Variants in POC1A observed in about 807,000 individuals in gnomAD.
POC1A encodes the protein POC1 centriolar protein A.
In POC1A, 34 loss-of-function variants were observed where a neutral mutation model predicts 47.8. That is an observed-to-expected ratio of 0.71 (90% CI 0.54 to 0.95). The LOEUF is 0.95. Among genes scored for constraint, POC1A ranks in the 40% least tolerant of loss-of-function variants. The pLI, the probability that POC1A is intolerant of heterozygous loss-of-function variation, is 0.00. For synonymous variants in POC1A, 177 were observed against 207.6 expected (o/e 0.85, Z 1.27); for missense variants, 466 against 528.3 (o/e 0.88, Z 1.16).
intron 10 of POC1A, among the ~76,000 whole-genome samples, chr3:52,088,136 T>C (rs1183086029): frequency 2.0e-5 from 3 of 152,176 alleles, no homozygotes; most frequent in African/African-American, 7.2e-5. Flanking sequence ...TCTTGATAGC[T>C]TGCTGGAGGC....
intron 9 of POC1A, among the ~76,000 whole-genome samples, chr3:52,109,352 G>A (rs1275738109): frequency 6.6e-6 from 1 of 152,180 alleles, no homozygotes; most frequent in Non-Finnish European, 1.5e-5. Flanking sequence ...GGGGGAAACA[G>A]ATGAAATGAG....
chr3:52,145,564 C>T (rs2107188542), intron 6 of POC1A, among the ~76,000 whole-genome samples: 1 of 152,316 alleles, frequency 6.6e-6, no homozygotes, highest in East Asian at 1.9e-4. Flanking sequence ...TGAGGACTCC[C>T]CATCTGGCCC....
rs139038068 is a variant in POC1A at position 52,093,962 on chromosome 3, T to C, written c.1125+2607A>G. Among the ~76,000 whole-genome samples, 291 of 152,242 alleles carry C rather than the reference T, an allele frequency of 1.9e-3. 2 individuals carry two copies. Among genetic ancestry groups the C allele is most frequent in the African/African-American group, 6.5e-3 (270 of 41,506 alleles). ...GACTCTGTGACTCACTCAGAAAACA[T>C]CCCTGGCTACGGCCCGCTGCATCCC... On this transcript the variant is annotated intron_variant, in intron 10 of 10. Coordinates refer to ENST00000296484, the MANE Select transcript of POC1A (RefSeq NM_015426.5).
chr3:52,097,573 G>T (rs1702864194), intron 9 of POC1A, among the ~76,000 whole-genome samples: 1 of 152,250 alleles, frequency 6.6e-6, no homozygotes, highest in Non-Finnish European at 1.5e-5. Flanking sequence ...AGAGCCTGCA[G>T]TTCCTCTGTG....
chr3:52,105,689 T>G (rs1703153244), intron 9 of POC1A, among the ~76,000 whole-genome samples: 1 of 152,228 alleles, frequency 6.6e-6, no homozygotes, highest in East Asian at 1.9e-4. Context: ...AAGAAACTTC[T>G]GATTCCAAAC....
intron 4 of POC1A, among the ~76,000 whole-genome samples, chr3:52,148,591 C>A (rs1405421346): frequency 6.6e-6 from 1 of 152,386 alleles, no homozygotes; most frequent in Admixed American, 6.5e-5. Context: ...CTGCACAGCA[C>A]TGGCTCCCTG....
At chr3:52,110,657 A>G (rs1703349140) in intron 9 of POC1A, among the ~76,000 whole-genome samples, 1 of 152,212 alleles carries the variant, frequency 6.6e-6, no homozygotes, top group Non-Finnish European at 1.5e-5. Context: ...ATGGGGCTTT[A>G]GATTGCCTGT....
chr3:52,106,510 C>CTAAA (rs1169677506), intron 9 of POC1A, among the ~76,000 whole-genome samples: 2 of 152,058 alleles, frequency 1.3e-5, no homozygotes, highest in African/African-American at 2.4e-5. Flanking sequence ...GATCCTATTT[C>CTAAA]TAAATAAATA....
At chr3:52,085,617 G>A (rs1702435404) in intron 10 of POC1A, among the ~76,000 whole-genome samples, 1 of 152,134 alleles carries the variant, frequency 6.6e-6, no homozygotes, top group Admixed American at 6.5e-5. Context: ...CCTCATGGGT[G>A]TGGGCCCTTG....
At chr3:52,116,250 T>C (rs1048335024) in intron 9 of POC1A, among the ~76,000 whole-genome samples, 1 of 152,198 alleles carries the variant, frequency 6.6e-6, no homozygotes, top group Admixed American at 6.5e-5. Context: ...CCCACCCCTG[T>C]GGCAGTGCCC....
chr3:52,123,463 A>G (rs1703872385), intron 8 of POC1A, among the ~76,000 whole-genome samples: 1 of 152,222 alleles, frequency 6.6e-6, no homozygotes, highest in Admixed American at 6.5e-5. Context: ...TGAACACTCC[A>G]TATGCCCTGG....
intron 4 of POC1A, among the ~76,000 whole-genome samples, chr3:52,147,512 C>T (rs1324940645): frequency 6.6e-6 from 1 of 152,086 alleles, no homozygotes; most frequent in African/African-American, 2.4e-5. Flanking sequence ...CAGCTCACTG[C>T]AGCCTCTACC....
intron 7 of POC1A, among the ~76,000 whole-genome samples, chr3:52,126,571 C>T (rs920636516): frequency 5.9e-5 from 9 of 152,238 alleles, no homozygotes; most frequent in South Asian, 4.1e-4. Context: ...ACAGTCTGTG[C>T]GGTGACCCTT....
At chr3:52,128,144 C>T (rs996958802) in intron 7 of POC1A, among the ~76,000 whole-genome samples, 1 of 152,122 alleles carries the variant, frequency 6.6e-6, no homozygotes, top group African/African-American at 2.4e-5. Flanking sequence ...AAAGATGGGC[C>T]TTTTGCCTGC....
chr3:52,139,806 A>G (rs924521902), intron 6 of POC1A, among the ~76,000 whole-genome samples: 6 of 152,108 alleles, frequency 3.9e-5, no homozygotes, highest in African/African-American at 1.4e-4. Flanking sequence ...ACTCTCCCTC[A>G]AGGTCAAGAG....
chr3:52,132,330 AC>A (rs972457700), intron 7 of POC1A, among the ~76,000 whole-genome samples: 3 of 152,054 alleles, frequency 2.0e-5, no homozygotes, highest in Non-Finnish European at 1.5e-5. Flanking sequence ...GTTTTTCAAA[AC>A]CAGAAATGGG....
chr3:52,108,358 C>T (rs1703260317), intron 9 of POC1A, among the ~76,000 whole-genome samples: 1 of 152,188 alleles, frequency 6.6e-6, no homozygotes, highest in African/African-American at 2.4e-5. Flanking sequence ...CTAATGAAGA[C>T]GAGCGGCAGA....
chr3:52,085,465 G>C (rs778029052), intron 10 of POC1A, among the ~76,000 whole-genome samples: 6 of 152,230 alleles, frequency 3.9e-5, no homozygotes, highest in Non-Finnish European at 5.9e-5. Flanking sequence ...CTGCGGCATG[G>C]CATTCCCGTG....
intron 7 of POC1A, among the ~76,000 whole-genome samples, chr3:52,126,965 C>A (rs1479391768): frequency 6.6e-6 from 1 of 152,198 alleles, no homozygotes; most frequent in Non-Finnish European, 1.5e-5. Flanking sequence ...TCACACTACC[C>A]TTCCTAAGGG....
Sources: allele counts gnomAD v4.1 joint callset (sites outside exome capture counted in the v4.1 genomes callset), GRCh38; gene constraint gnomAD v4.1.1; transcripts MANE v1.5; gene names NCBI Gene and HGNC (gene_info 2026-07-23, HGNC 2026-07-21).